The following TRIM62 variants were observed in gnomAD, a reference collection of about 807,000 sequenced individuals.
The protein encoded by TRIM62 is tripartite motif containing 62, also known as E3 ubiquitin-protein ligase TRIM62.
TRIM62 carries 39 observed loss-of-function variants against 44.2 expected under a neutral mutation model. That is an observed-to-expected ratio of 0.88 (90% CI 0.68 to 1.15). The LOEUF is 1.15. Ranked by LOEUF, TRIM62 falls within the 50% of genes most tolerant of loss-of-function variation. The pLI, the probability that TRIM62 is intolerant of heterozygous loss-of-function variation, is 0.00. For missense variants in TRIM62, 544 were observed against 665.5 expected (o/e 0.82, Z 2.01); for synonymous variants, 278 against 292.3 (o/e 0.95, Z 0.50).
chr1:33,147,830 CCTCT>C lies in TRIM62; in HGVS notation c.878-107_878-104del. On this transcript the variant is annotated intron_variant, in intron 4 of 4. Transcript: ENST00000291416. This position sits in a 1 kb window ranked among gnomAD's most constrained non-coding sequence, Gnocchi z 8.1. Reference sequence around the variant, plus strand: ...AGAGTTCTGGTTGGTACGCAGGAGGCCTCTGACCTGCTGTGTGACCTTGAATACA... The same window carrying C: ...AGAGTTCTGGTTGGTACGCAGGAGGCGACCTGCTGTGTGACCTTGAATACA... The C allele has an allele frequency of 3.8e-6, 5 of 1,305,476 alleles. No homozygotes were observed. Among genetic ancestry groups the C allele is most frequent in the Non-Finnish European group, 4.2e-6 (4 of 952,142 alleles). The allele number at this position is 1,305,476 out of a possible 1,614,324, so 80.9% of individuals were successfully genotyped here.
At chr1:33,150,969 CCAG>C (rs985060853) in intron 4 of TRIM62, among the ~76,000 whole-genome samples, 2 of 152,102 alleles carry the variant, frequency 1.3e-5, no homozygotes, top group Non-Finnish European at 2.9e-5. Flanking sequence ...TGATTTGAGA[CCAG>C]CAACAGGCAG....
intron 1 of TRIM62, among the ~76,000 whole-genome samples, chr1:33,168,960 C>T (rs1345359732): frequency 2.6e-5 from 4 of 152,226 alleles, no homozygotes; most frequent in Non-Finnish European, 4.4e-5. Context: ...CTGGACATTT[C>T]CTCCCTGATT....
At chr1:33,169,230 C>G (rs1353292734) in intron 1 of TRIM62, among the ~76,000 whole-genome samples, 7 of 152,064 alleles carry the variant, frequency 4.6e-5, no homozygotes, top group Non-Finnish European at 8.8e-5. Context: ...CAAACTTGCT[C>G]CTCTCCCCAT....
In TRIM62 at chr1:33,146,075, G is replaced by T. The variant is rs1016260766; in HGVS notation, c.*1102C>A. The T allele has an allele frequency of 2.3e-5, 8 of 351,692 alleles. No homozygotes were observed. Among genetic ancestry groups the T allele is most frequent in the South Asian group, 1.3e-4 (6 of 46,418 alleles). 21.8% of individuals were successfully genotyped at this position (351,692 alleles called of 1,614,324 possible). On this transcript the variant is annotated 3_prime_UTR_variant, in exon 5 of 5. Transcript: ENST00000291416. ...TCTGGCATAGTGGCTTCCTGCAGATGGGGGCAGCTTTCCTGGTCACAACAG... is the reference window on the plus strand; with the variant it reads ...TCTGGCATAGTGGCTTCCTGCAGATTGGGGCAGCTTTCCTGGTCACAACAG...
chr1:33,158,094 T>G lies in TRIM62; in HGVS notation c.877+159A>C, dbSNP rs185114762. On this transcript the variant is annotated intron_variant, in intron 4 of 4. Coordinates refer to ENST00000291416, the MANE Select transcript of TRIM62 (RefSeq NM_018207.3). ...TATGAAGGTCCACTGAGCTGAGTGA[T>G]TGTGCAGGTGCCCAGGACAGGTCCT... 2.2e-3 allele frequency among the ~76,000 whole-genome samples: 329 copies of G among 152,302 alleles called. 3 individuals carry two copies. Among genetic ancestry groups the G allele is most frequent in the African/African-American group, 7.6e-3 (316 of 41,576 alleles).
Position 33,181,824 on chromosome 1 carries a change from G to T in TRIM62, c.-392C>A, listed in dbSNP as rs1245456576. On this transcript the variant is annotated 5_prime_UTR_variant, in exon 1 of 5. Transcript: ENST00000291416. The surrounding 1 kb of genome is among the most constrained non-coding windows in gnomAD (Gnocchi z 6.5). ...GAGCCCTTAAGGGGGTCGAAATCCCGGGGTGGGGGCGGTGCGGGGAGGGCG... is the reference window on the plus strand; with the variant it reads ...GAGCCCTTAAGGGGGTCGAAATCCCTGGGTGGGGGCGGTGCGGGGAGGGCG... Among the ~76,000 whole-genome samples, 1 of 150,814 alleles carries T rather than the reference G, an allele frequency of 6.6e-6. No homozygotes were observed. Among genetic ancestry groups the T allele is most frequent in the Non-Finnish European group, 1.5e-5 (1 of 67,636 alleles).
rs1645041190 is a variant in TRIM62 at position 33,147,773 on chromosome 1, G to A, written c.878-46C>T. On this transcript the variant is annotated intron_variant, in intron 4 of 4. Transcript: ENST00000291416. This position sits in a 1 kb window ranked among gnomAD's most constrained non-coding sequence, Gnocchi z 8.1. ...AGAGAAGATGAGTGGGGAGAAGGCT[G>A]TGGACCCACCATGCAGTGCCTTCCT... The A allele has an allele frequency of 1.3e-6, 2 of 1,576,240 alleles. No individual in the cohort carries two copies. The highest frequency in any genetic ancestry group is 8.6e-7 in the Non-Finnish European group (1 of 1,158,366).
chr1:33,181,103 G>C lies in TRIM62; in HGVS notation c.330C>G (p.Leu110=), dbSNP rs1485005477. 3 of 1,600,056 alleles carry C rather than the reference G, an allele frequency of 1.9e-6. No homozygotes were observed. The Admixed American group carries it at 5.0e-5, about 27-fold the overall frequency. ...GTGCAGGCTCGTCGCAGAAGAAGCAGAGAAGCGCGCGGTCCGTGAGGCAGA... is the reference window on the plus strand; with the variant it reads ...GTGCAGGCTCGTCGCAGAAGAAGCACAGAAGCGCGCGGTCCGTGAGGCAGA... ...KLFCLTDRAL[L]CFFCDEPALH... The change falls in exon 1 of 5, where the codon CTC becomes CTG. Residue 110 remains leucine (L), a synonymous_variant. Coordinates refer to ENST00000291416, the MANE Select transcript of TRIM62 (RefSeq NM_018207.3). The surrounding 1 kb of genome is among the most constrained non-coding windows in gnomAD (Gnocchi z 6.5).
intron 1 of TRIM62, among the ~76,000 whole-genome samples, chr1:33,174,434 T>G (rs534042495): frequency 2.0e-4 from 30 of 152,328 alleles, no homozygotes; most frequent in African/African-American, 6.7e-4. Flanking sequence ...TCCTCTTGCC[T>G]TGACCTCTCA....
At chr1:33,166,998 C>G (rs984838081) in intron 1 of TRIM62, among the ~76,000 whole-genome samples, 1 of 152,206 alleles carries the variant, frequency 6.6e-6, no homozygotes, top group African/African-American at 2.4e-5. Context: ...AACACCCTCC[C>G]CCATCACTCC....
intron 4 of TRIM62, among the ~76,000 whole-genome samples, chr1:33,156,981 C>T (rs1464929417): frequency 2.1e-5 from 3 of 142,000 alleles, no homozygotes; most frequent in Admixed American, 7.2e-5. Context: ...TCACCTCTTG[C>T]CTGGATTATG....
chr1:33,155,792 CCAGT>C (rs1308910448), intron 4 of TRIM62, among the ~76,000 whole-genome samples: 2 of 152,186 alleles, frequency 1.3e-5, no homozygotes, highest in Non-Finnish European at 1.5e-5. Flanking sequence ...TTCTCTGCTG[CCAGT>C]CAGTTTGAAT....
rs1228285971 is a variant in TRIM62, at chr1:33,159,550, G to T, written c.761+138C>A. Reference sequence around the variant, plus strand: ...AGGCTTCATGCTCCTACCCATAGCAGATGTCCCGTAAATGTTTGATGAAGA... The same window carrying T: ...AGGCTTCATGCTCCTACCCATAGCATATGTCCCGTAAATGTTTGATGAAGA... On this transcript the variant is annotated intron_variant, in intron 3 of 4. Transcript: ENST00000291416. This position sits in a 1 kb window ranked among gnomAD's most constrained non-coding sequence, Gnocchi z 4.2. 1.6e-6 allele frequency: 2 copies of T among 1,279,592 alleles called. No individual in the cohort carries two copies. The highest frequency in any genetic ancestry group is 1.0e-6 in the Non-Finnish European group (1 of 954,422). The allele number at this position is 1,279,592 out of a possible 1,614,324, so 79.3% of individuals were successfully genotyped here.
intron 4 of TRIM62, among the ~76,000 whole-genome samples, chr1:33,148,533 C>G (rs536024123): frequency 8.5e-5 from 13 of 152,268 alleles, no homozygotes; most frequent in African/African-American, 3.1e-4. Flanking sequence ...TGGTGTTTTA[C>G]CTATGACGAG....
At chr1:33,153,496 C>G (rs778776496) in intron 4 of TRIM62, among the ~76,000 whole-genome samples, 1 of 152,204 alleles carries the variant, frequency 6.6e-6, no homozygotes, top group Non-Finnish European at 1.5e-5. Flanking sequence ...CTACTGGCAT[C>G]TAATGGATAG....
At position 33,147,856 on chromosome 1, in the gene TRIM62, TAC is replaced by T; in HGVS notation, c.878-131_878-130del. 1 of 1,039,736 alleles carries T rather than the reference TAC, an allele frequency of 9.6e-7. No homozygotes were observed. Among genetic ancestry groups the T allele is most frequent in the South Asian group, 1.6e-5 (1 of 61,604 alleles). The allele number at this position is 1,039,736 out of a possible 1,614,324, so 64.4% of individuals were successfully genotyped here. On this transcript the variant is annotated intron_variant, in intron 4 of 4. Coordinates refer to ENST00000291416, the MANE Select transcript of TRIM62 (RefSeq NM_018207.3). This position sits in a 1 kb window ranked among gnomAD's most constrained non-coding sequence, Gnocchi z 8.1. ...CTCTGACCTGCTGTGTGACCTTGAA[TAC>T]AAGTCTGCCCTCTCTGGGCCTCATC...
intron 2 of TRIM62, chr1:33,163,485 A>G (rs1426080238): frequency 6.6e-6 from 1 of 152,276 alleles, no homozygotes; most frequent in Admixed American, 6.5e-5. Context: ...CTCAGCACAG[A>G]GAAAAGTTCT....
intron 4 of TRIM62, among the ~76,000 whole-genome samples, chr1:33,154,754 C>T (rs1263486497): frequency 4.0e-5 from 6 of 148,600 alleles, no homozygotes; most frequent in South Asian, 4.2e-4. Flanking sequence ...GCCGAGATCA[C>T]GCCACTGCAC....
chr1:33,156,351 C>T (rs979385269), intron 4 of TRIM62, among the ~76,000 whole-genome samples: 1 of 152,216 alleles, frequency 6.6e-6, no homozygotes, highest in African/African-American at 2.4e-5. Context: ...ACTGCTCCAC[C>T]CAACCAGCTC....
Sources: gnomAD v4.1 joint callset for allele counts (sites outside exome capture counted in the v4.1 genomes callset) on GRCh38, gnomAD v4.1.1 for gene constraint, Gnocchi (gnomAD v3.1) non-coding constraint, MANE v1.5 for transcripts, NCBI Gene and HGNC (gene_info 2026-07-23, HGNC 2026-07-21) for gene names.